Variants in RYR2 observed in about 807,000 individuals in gnomAD.
RYR2 encodes cardiac muscle ryanodine receptor-calcium release channel.
Under a neutral mutation model 601.1 loss-of-function variants are expected in RYR2, and 227 were observed. That is an observed-to-expected ratio of 0.38 (90% confidence interval 0.34 to 0.42). The LOEUF is 0.42. Ranked by LOEUF, RYR2 falls within the 10% of genes least tolerant of loss-of-function variation. The pLI, the probability that RYR2 is intolerant of heterozygous loss-of-function variation, is 1.00. For synonymous variants in RYR2, 2,223 were observed against 2,175.1 expected (o/e 1.02, Z -0.61); for missense variants, 4,646 against 6,156.5 (o/e 0.75, Z 8.21).
intron 1 of RYR2, among the ~76,000 whole-genome samples, chr1:237,204,909 C>G (rs1681627216): frequency 6.6e-6 from 1 of 152,150 alleles, no homozygotes; most frequent in African/African-American, 2.4e-5. Flanking sequence ...GAGGCAGATT[C>G]TTTGCAGGCA....
At chr1:237,323,349 T>G (rs943857481) in intron 2 of RYR2, among the ~76,000 whole-genome samples, 1 of 152,136 alleles carries the variant, frequency 6.6e-6, no homozygotes, top group Non-Finnish European at 1.5e-5. Flanking sequence ...TGCTTTGTCT[T>G]TGAGTGGTTT....
rs377334424 is a variant in RYR2 at position 237,718,464 on chromosome 1, A to G, written c.10497A>G (p.Lys3499=). The G allele has an allele frequency of 1.9e-6, 3 of 1,556,120 alleles. No homozygotes were observed. The highest frequency in any genetic ancestry group is 2.7e-5 in the African/African-American group (2 of 73,968). ...IALAKNRFSL[K]DTEDEVRDII... is the part of the protein sequence containing the mutation. The stretch of plus-strand genomic sequence containing the variant: ...AGGTAACATATATTTCTTGACAGAA[A>G]GATACCGAGGATGAAGTACGAGATA... The change falls in exon 73 of 105, where the codon AAA becomes AAG. Residue 3499 remains lysine (K), a splice_region_variant and synonymous_variant. Coordinates refer to ENST00000366574, the MANE Select transcript of RYR2 (RefSeq NM_001035.3).
In RYR2 at chr1:237,723,420, A is replaced by C. The variant is rs59607512; in HGVS notation, c.10689+158A>C. Reference sequence around the variant, plus strand: ...AGTCCGGTGTGCTTAGTATTTCATAAAGACAATTTCTAAGCTTACAAATCT... The same window carrying C: ...AGTCCGGTGTGCTTAGTATTTCATACAGACAATTTCTAAGCTTACAAATCT... On this transcript the variant is annotated intron_variant, in intron 74 of 104. Transcript: ENST00000366574. Among the ~76,000 whole-genome samples, 3,284 of 152,322 alleles carry C rather than the reference A, an allele frequency of 0.022. 132 individuals are homozygous for C. The highest frequency in any genetic ancestry group is 0.074 in the African/African-American group (3,072 of 41,574).
At chr1:237,666,702 T>A in intron 57 of RYR2, 113 bp downstream of exon 57, 1 of 800,476 alleles carries the variant, frequency 1.2e-6, no homozygotes, top group Non-Finnish European at 2.0e-6. Flanking sequence ...TGGCGATCTA[T>A]AATGGATCCA....
At chr1:237,286,608 A>T (rs1221610187) in intron 2 of RYR2, among the ~76,000 whole-genome samples, 2 of 44,750 alleles carry the variant, frequency 4.5e-5, no homozygotes, top group African/African-American at 1.5e-4. Flanking sequence ...GTTTTGTCTG[A>T]TATAAGAATA....
In RYR2 at chr1:237,685,271, G is replaced by A. The variant is rs180964417; in HGVS notation, c.9018-2184G>A. Among the ~76,000 whole-genome samples, 22 of 152,308 alleles carry A rather than the reference G, an allele frequency of 1.4e-4. 1 individual carries two copies. Among genetic ancestry groups the A allele is most frequent in the Middle Eastern group, 3.4e-3 (1 of 294 alleles). ...TTTCTATGAATACCATGCCCTAAAA[G>A]TGGATTGCACAGGAGGGGAAAGAGT... is the stretch of plus-strand genomic sequence containing the variant. On this transcript the variant is annotated intron_variant, in intron 62 of 104. Coordinates refer to ENST00000366574, the MANE Select transcript of RYR2 (RefSeq NM_001035.3).
rs114272851 is a variant in RYR2, at chr1:237,461,516, C to T, written c.1612+4781C>T. On this transcript the variant is annotated intron_variant, in intron 16 of 104. Transcript: ENST00000366574. ...TATTGCGTTCTTTTAATTCTTGGTC[C>T]GGTCTGTCCCTTCTTTTCACCTCTG... Among the ~76,000 whole-genome samples the T allele has an allele frequency of 3.5e-3, 529 of 152,146 alleles. 5 individuals carry two copies. The highest frequency in any genetic ancestry group is 0.012 in the African/African-American group (495 of 41,502).
At position 237,761,043 on chromosome 1, in the gene RYR2, C is replaced by T. The variant is rs192323827; in HGVS notation, c.11476+15C>T. 5.5e-4 allele frequency: 812 copies of T among 1,481,710 alleles called. 9 individuals carry two copies. In the African/African-American group the frequency reaches 0.01, roughly 18 times the overall value. The allele number at this position is 1,481,710 out of a possible 1,614,324, so 91.8% of individuals were successfully genotyped here. A position where few individuals can be genotyped will look rare whatever the true frequency, so the allele number is the denominator to read the frequency against. ...GGAAGGATCAGGTATTAATGACTTA[C>T]ATTAAAAGGATCACCTGTCTCCCTT... On this transcript the variant is annotated intron_variant, in intron 84 of 104. Transcript: ENST00000366574.
intron 80 of RYR2, chr1:237,743,548 T>A: frequency 1.9e-6 from 1 of 518,380 alleles, no homozygotes; most frequent in Non-Finnish European, 3.9e-6. Context: ...TCCGTTGTCT[T>A]CAGAGCAATT....
chr1:237,708,518 C>T (rs752307181), intron 68 of RYR2, among the ~76,000 whole-genome samples: 11 of 152,152 alleles, frequency 7.2e-5, no homozygotes, highest in Non-Finnish European at 1.3e-4. Context: ...CAGAGCTTGT[C>T]CCTATTCTAA....
In RYR2 at chr1:237,665,395, CTCAAAAAA is replaced by C. The variant is rs750199314; in HGVS notation, c.8437-1116_8437-1109del. Among the ~76,000 whole-genome samples, 270 of 101,122 alleles carry C rather than the reference CTCAAAAAA, an allele frequency of 2.7e-3. 1 individual carries two copies. The highest frequency in any genetic ancestry group is 4.0e-3 in the Non-Finnish European group (206 of 51,106). 66.3% of individuals were successfully genotyped at this position (101,122 alleles called of 152,430 possible). A position where few individuals can be genotyped will look rare whatever the true frequency, so the allele number is the denominator to read the frequency against. ...GCCTGGTGACAGAGCGAGACTCTGT[CTCAAAAAA>C]AAAAAAAAAAAAAAAAGGAAAACTT... is the stretch of plus-strand genomic sequence containing the variant. On this transcript the variant is annotated intron_variant, in intron 56 of 104. Coordinates refer to ENST00000366574, the MANE Select transcript of RYR2 (RefSeq NM_001035.3).
At chr1:237,383,986 G>C (rs1435930848) in intron 8 of RYR2, among the ~76,000 whole-genome samples, 1 of 152,114 alleles carries the variant, frequency 6.6e-6, no homozygotes, top group Non-Finnish European at 1.5e-5. Context: ...ATTCATCTCA[G>C]TTTCAGTAAC....
chr1:237,815,216 T>A (rs1404002840), intron 100 of RYR2, among the ~76,000 whole-genome samples: 2 of 152,214 alleles, frequency 1.3e-5, no homozygotes, highest in Non-Finnish European at 2.9e-5. Flanking sequence ...CACATCTTTT[T>A]GTCTCACAGC....
In RYR2 at chr1:237,423,323, AGAAAT is replaced by A. The variant is rs1705783845; in HGVS notation, c.1005+78_1005+82del. ...TTCCTTTGATGTTAGAAAGGAGAAAAGAAATGAGAAAATAAATGATGTAAGTATGT... is the reference window on the plus strand; with the variant it reads ...TTCCTTTGATGTTAGAAAGGAGAAAAGAGAAAATAAATGATGTAAGTATGT... On this transcript the variant is annotated intron_variant, in intron 12 of 104. Coordinates refer to ENST00000366574, the MANE Select transcript of RYR2 (RefSeq NM_001035.3). 4.8e-6 allele frequency: 7 copies of A among 1,455,098 alleles called. No homozygotes were observed. The South Asian group carries it at 9.0e-5, about 19-fold the overall frequency. 90.1% of individuals were successfully genotyped at this position (1,455,098 alleles called of 1,614,324 possible).
chr1:237,744,349 T>TA (rs752916603), intron 80 of RYR2, among the ~76,000 whole-genome samples: 1,672 of 141,046 alleles, frequency 0.012, 37 homozygotes, highest in African/African-American at 0.038. Flanking sequence ...TTTGTTTGTT[T>TA]AAAAAAAAAA....
intron 91 of RYR2, 144 bp downstream of exon 91, chr1:237,786,180 G>A (rs1657537282): frequency 4.8e-6 from 3 of 624,436 alleles, no homozygotes; most frequent in South Asian, 2.0e-5. Flanking sequence ...CCGTGGAGAG[G>A]CTCTGACAGC....
chr1:237,753,068 C>T (rs1022179924), intron 80 of RYR2, among the ~76,000 whole-genome samples: 3 of 152,178 alleles, frequency 2.0e-5, no homozygotes, highest in Non-Finnish European at 2.9e-5. Context: ...GCCTGTCAGT[C>T]GCTCAGGTTC....
chr1:237,401,177 A>G (rs1703317437), intron 10 of RYR2, among the ~76,000 whole-genome samples: 1 of 152,180 alleles, frequency 6.6e-6, no homozygotes, highest in South Asian at 2.1e-4. Flanking sequence ...TAAAACTCAA[A>G]TTGCCTATAT....
chr1:237,527,932 G>A (rs546762295), intron 24 of RYR2, among the ~76,000 whole-genome samples: 18 of 152,254 alleles, frequency 1.2e-4, no homozygotes, highest in African/African-American at 3.9e-4. Flanking sequence ...ACTTTGTCCT[G>A]CCCAGGATGC....
Sources: gnomAD v4.1 joint callset for allele counts (sites outside exome capture counted in the v4.1 genomes callset) on GRCh38, gnomAD v4.1.1 for gene constraint, MANE v1.5 for transcripts, NCBI Gene and HGNC (gene_info 2026-07-23, HGNC 2026-07-21) for gene names.